Variants in SP110 observed in about 807,000 individuals in gnomAD.
The protein encoded by SP110 is SP110 nuclear body protein.
In SP110, 62 loss-of-function variants were observed where a neutral mutation model predicts 92.7. The ratio of observed to expected loss-of-function variants is 0.67; its 90% CI spans 0.55 to 0.83. The LOEUF (loss-of-function observed/expected upper bound fraction) is 0.83, where lower values mean the gene tolerates loss of function less well. Ranked by LOEUF, SP110 falls within the 40% of genes least tolerant of loss-of-function variation. SP110 has a pLI of 0.00. For synonymous variants in SP110, 273 were observed against 305.3 expected (o/e 0.89, Z 1.10); for missense variants, 793 against 863.9 (o/e 0.92, Z 1.03).
chr2:230,225,605 C>T, exon 1 of SP110: 1 of 579,826 alleles, frequency 1.7e-6, no homozygotes, highest in Non-Finnish European at 3.1e-6. Flanking sequence ...AACAAGTGAC[C>T]CTGTCTTCCG....
At chr2:230,210,863 A>G (rs181169099) in intron 6 of SP110, among the ~76,000 whole-genome samples, 5 of 152,362 alleles carry the variant, frequency 3.3e-5, no homozygotes, top group Admixed American at 6.5e-5. Flanking sequence ...TATTCATAAT[A>G]TCAACTCTTA....
At chr2:230,224,236 A>G (rs923230612), upstream of SP110, among the ~76,000 whole-genome samples, 1 of 152,172 alleles carries the variant, frequency 6.6e-6, no homozygotes, top group African/African-American at 2.4e-5. Flanking sequence ...AAGCTGGCAC[A>G]TTTTCAAAAA....
chr2:230,173,244 AG>A (rs1349170440), intron 14 of SP110: 5 of 401,070 alleles, frequency 1.2e-5, no homozygotes, highest in Non-Finnish European at 2.4e-5. Context: ...CCTGCTGGCA[AG>A]CTTGTGCTTT....
chr2:230,221,682 T>C (rs1320884970), upstream of SP110: 1 of 1,535,476 alleles, frequency 6.5e-7, no homozygotes, highest in African/African-American at 1.4e-5. Flanking sequence ...GGTTATTTTA[T>C]GCAAATGTCA....
chr2:230,199,145 ATTATTT>A (rs752219548), intron 10 of SP110, among the ~76,000 whole-genome samples: 23 of 121,704 alleles, frequency 1.9e-4, no homozygotes, highest in Non-Finnish European at 3.3e-4. Context: ...TATTATTATT[ATTATTT>A]TTTTTTTTTT....
In SP110 at chr2:230,186,062, C is replaced by T. The variant is rs768521785; in HGVS notation, c.1211G>A (p.Trp404Ter). 1.2e-6 allele frequency: 2 copies of T among 1,614,060 alleles called. No individual in the cohort carries two copies. Among genetic ancestry groups the T allele is most frequent in the Non-Finnish European group, 8.5e-7 (1 of 1,179,960 alleles). The part of the protein sequence containing the change: ...KVTQRKDDST[W>*]NSEVMMRVQK... The stretch of plus-strand genomic sequence containing the variant: ...GACCCTCATCATGACCTCTGAGTTC[C>T]AGGTTGAGTCGTCTTTCCTTTGAGT... The change falls in exon 11 of 19, where the codon TGG (tryptophan) becomes TAG (stop). Residue 404 changes from tryptophan to a stop codon, truncating the protein, a stop_gained. Transcript: ENST00000258381. LOFTEE classifies it high-confidence loss of function.
In SP110 at chr2:230,216,883, G is replaced by T; in HGVS notation, c.45C>A (p.His15Gln). Residue 15 changes from histidine to glutamine, a missense_variant, in exon 2 of 19, where the codon CAC (histidine) becomes CAA (glutamine). Physicochemically the swap from His to Gln is conservative, Grantham distance 24 (BLOSUM62 0). Transcript: ENST00000258381. ...CGATCCCCAGCTTCTGGTGCATGAA[G>T]TGCTGAAAAAGAGCCTCTTCCATGG... ...TRAMEEALFQ[H>Q]FMHQKLGIAY... The T allele has an allele frequency of 6.2e-7, 1 of 1,614,052 alleles. No individual in the cohort carries two copies. The highest frequency in any genetic ancestry group is 1.3e-5 in the African/African-American group (1 of 75,042).
chr2:230,208,680 A>G (rs1048917922), intron 7 of SP110, among the ~76,000 whole-genome samples: 1 of 152,216 alleles, frequency 6.6e-6, no homozygotes, highest in Admixed American at 6.5e-5. Context: ...TGCAGGAAGT[A>G]GCATTGTCAC....
chr2:230,177,607 T>A lies in SP110; in HGVS notation c.1521A>T (p.Lys507Asn), dbSNP rs749172171. The A allele has an allele frequency of 5.0e-6, 8 of 1,613,990 alleles. No homozygotes were observed. The Admixed American group carries it at 1.0e-4, about 20-fold the overall frequency. Residue 507 changes from lysine (K) to asparagine (N), a missense_variant, in exon 14 of 19, where the codon AAA becomes AAT. Transcript: ENST00000258381. Reference sequence around the variant, plus strand: ...GTTTCCAGTTCTTTGCGTTCCTTCCTTTTCCTTCGACTTCAAATTCATTTG... The same window carrying A: ...GTTTCCAGTTCTTTGCGTTCCTTCCATTTCCTTCGACTTCAAATTCATTTG... Reference protein sequence around the residue: ...LTPNEFEVEGKGRNAKNWKRN... With the variant: ...LTPNEFEVEGNGRNAKNWKRN...
intron 1 of SP110, 52 bp downstream of exon 1, chr2:230,219,822 A>C (rs973998410): frequency 1.4e-6 from 1 of 729,448 alleles, no homozygotes. Context: ...GTTAACTCTA[A>C]GAGCTGCAGT....
chr2:230,216,845 T>C lies in SP110; in HGVS notation c.83A>G (p.His28Arg). The change falls in exon 2 of 19, where the codon CAC becomes CGC. Residue 28 changes from histidine (H) to arginine (R), a missense_variant. Transcript: ENST00000258381. Reference protein sequence around the residue: ...HQKLGIAYAIHKPFPFFEGLL... With the variant: ...HQKLGIAYAIRKPFPFFEGLL... ...GCCTTCAAAGAAGGGAAATGGCTTG[T>C]GTATGGCATAGGCGATCCCCAGCTT... is the stretch of plus-strand genomic sequence containing the variant. 2.5e-6 allele frequency: 4 copies of C among 1,614,148 alleles called. No individual in the cohort carries two copies. The highest frequency in any genetic ancestry group is 3.4e-6 in the Non-Finnish European group (4 of 1,179,992).
At chr2:230,205,894 GA>G (rs1016209621) in intron 8 of SP110, among the ~76,000 whole-genome samples, 11 of 152,186 alleles carry the variant, frequency 7.2e-5, no homozygotes, top group African/African-American at 2.7e-4. Flanking sequence ...ACAAAGCTCA[GA>G]AGTGTGAGTT....
At chr2:230,215,323 G>A (rs2044995470) in intron 2 of SP110, among the ~76,000 whole-genome samples, 1 of 152,106 alleles carries the variant, frequency 6.6e-6, no homozygotes, top group East Asian at 1.9e-4. Flanking sequence ...TGGATGACTA[G>A]CAACAAAAAT....
chr2:230,212,034 T>C (rs73102211), intron 5 of SP110, among the ~76,000 whole-genome samples: 12,561 of 152,214 alleles, frequency 0.083, 1,473 homozygotes, highest in African/African-American at 0.26. Context: ...ATAACATTGT[T>C]CTTAGAATCC....
intron 12 of SP110, among the ~76,000 whole-genome samples, chr2:230,183,113 CAAG>C (rs2042200511): frequency 6.6e-6 from 1 of 152,004 alleles, no homozygotes; most frequent in African/African-American, 2.4e-5. Flanking sequence ...AAAATAAATG[CAAG>C]AAGAGGAGTG....
At chr2:230,200,819 G>T in intron 10 of SP110, 66 bp downstream of exon 10, 1 of 1,218,282 alleles carries the variant, frequency 8.2e-7, no homozygotes, top group Non-Finnish European at 1.2e-6. Flanking sequence ...TTGCCTCAGT[G>T]TAAGACAGCT....
intron 14 of SP110, among the ~76,000 whole-genome samples, chr2:230,174,571 T>C (rs1029689433): frequency 6.6e-6 from 1 of 152,032 alleles, no homozygotes; most frequent in East Asian, 1.9e-4. Flanking sequence ...CCCCAAAAGC[T>C]GTTCTCCTCA....
intron 10 of SP110, among the ~76,000 whole-genome samples, chr2:230,194,686 T>A (rs972907465): frequency 2.0e-5 from 3 of 152,208 alleles, no homozygotes; most frequent in Non-Finnish European, 4.4e-5. Context: ...CCAAATCTAA[T>A]CCAGTTTGGA....
upstream of SP110, among the ~76,000 whole-genome samples, chr2:230,221,141 T>A (rs1207444223): frequency 6.6e-6 from 1 of 150,866 alleles, no homozygotes; most frequent in Non-Finnish European, 1.5e-5. Flanking sequence ...ATTAGCCAGA[T>A]GTGGTGGCGG....
Sources: allele counts gnomAD v4.1 joint callset (sites outside exome capture counted in the v4.1 genomes callset), GRCh38; gene constraint gnomAD v4.1.1; transcripts MANE v1.5; gene names NCBI Gene and HGNC (gene_info 2026-07-23, HGNC 2026-07-21).